Variants in CYP2E1 observed in about 807,000 individuals in gnomAD.
CYP2E1 encodes the protein cytochrome P450 2E1.
A neutral mutation model predicts 42.9 loss-of-function variants in CYP2E1; 31 were observed. That is an observed-to-expected ratio of 0.72 (90% CI 0.54 to 0.98). The LOEUF (loss-of-function observed/expected upper bound fraction) is 0.98, where lower values mean the gene tolerates loss of function less well. Among genes scored for constraint, CYP2E1 ranks in the 50% least tolerant of loss-of-function variants. The probability of loss-of-function intolerance (pLI) is 0.00; values close to 1 mark genes in which losing one functional copy is unlikely to be tolerated. For missense variants in CYP2E1, 565 were observed against 633.2 expected, an observed-to-expected ratio of 0.89 and a Z score of 1.16; for synonymous variants, 244 against 248.9, an observed-to-expected ratio of 0.98 and a Z score of 0.19.
chr10:133,536,123 G>T (rs1257547052), intron 6 of CYP2E1, among the ~76,000 whole-genome samples: 1 of 152,102 alleles, frequency 6.6e-6, no homozygotes. Flanking sequence ...CAAGCCTGGG[G>T]TAATTATCAA....
At position 133,533,002 on chromosome 10, in the gene CYP2E1, C is replaced by A. The variant is rs1283509268; in HGVS notation, c.825+134C>A. 3 of 848,584 alleles carry A rather than the reference C, an allele frequency of 3.5e-6. No homozygotes were observed. In the Admixed American group the frequency reaches 9.9e-5, roughly 28 times the overall value. The allele number at this position is 848,584 out of a possible 1,614,324, so 52.6% of individuals were successfully genotyped here. A position where few individuals can be genotyped will look rare whatever the true frequency, so the allele number is the denominator to read the frequency against. ...GCATGCTCTGAGTTTCATACACACA[C>A]TCTTGGCTTCAGCATGACCACTGGA... On this transcript the variant is annotated intron_variant, in intron 5 of 8. Transcript: ENST00000252945.
intron 6 of CYP2E1, 73 bp downstream of exon 6, chr10:133,533,970 G>T (rs1851370176): frequency 1.3e-6 from 2 of 1,529,570 alleles, no homozygotes; most frequent in South Asian, 2.3e-5. Context: ...CACATTTTAG[G>T]CTGCAGCTTT....
At chr10:133,537,316 G>T (rs1256780402) in intron 7 of CYP2E1, 66 bp downstream of exon 7, 2 of 1,546,926 alleles carry the variant, frequency 1.3e-6, no homozygotes, top group African/African-American at 2.7e-5. Flanking sequence ...CTTCCTGCCA[G>T]GGAGCAGGAT....
In CYP2E1 at chr10:133,533,785, A is replaced by C. The variant is rs780017354; in HGVS notation, c.855A>C (p.Thr285=). The change falls in exon 6 of 9, where the codon ACA becomes ACC. Residue 285 remains threonine (T), a synonymous_variant. Transcript: ENST00000252945. The part of the protein sequence containing the change: ...KEKHSAERLY[T]MDGITVTVAD... ...AGCACAGTGCAGAGCGCTTGTACAC[A>C]ATGGACGGTATCACCGTGACTGTGG... is the stretch of plus-strand genomic sequence containing the variant. The C allele has an allele frequency of 6.2e-7, 1 of 1,614,172 alleles. No individual in the cohort carries two copies.
At chr10:133,535,671 A>G (rs1232090535) in intron 6 of CYP2E1, among the ~76,000 whole-genome samples, 1 of 152,202 alleles carries the variant, frequency 6.6e-6, no homozygotes, top group Non-Finnish European at 1.5e-5. Context: ...TATGATTGAC[A>G]TGTATATATC....
chr10:133,528,824 C>T (rs1851304088), intron 2 of CYP2E1, among the ~76,000 whole-genome samples, 184 bp downstream of exon 2: 1 of 152,384 alleles, frequency 6.6e-6, no homozygotes, highest in Middle Eastern at 3.4e-3. Context: ...GCGAGGCGCA[C>T]TGAGTCGCCC....
chr10:133,532,495 C>T (rs1851351216), intron 4 of CYP2E1, among the ~76,000 whole-genome samples, 197 bp from the exon 5 acceptor site: 1 of 152,072 alleles, frequency 6.6e-6, no homozygotes, highest in South Asian at 2.1e-4. Flanking sequence ...GTGTATCGAC[C>T]TGTGTGTGCA....
intron 6 of CYP2E1, 34 bp from the exon 7 acceptor site, chr10:133,537,029 A>G: frequency 6.9e-7 from 1 of 1,450,754 alleles, no homozygotes; most frequent in Non-Finnish European, 9.5e-7. Context: ...CCAGGAACCA[A>G]TCCCTGAAAT....
chr10:133,532,709 C>A lies in CYP2E1; in HGVS notation c.666C>A (p.Pro222=), dbSNP rs374547066. The A allele has an allele frequency of 1.3e-6, 2 of 1,589,938 alleles. No homozygotes were observed. Among genetic ancestry groups the A allele is most frequent in the African/African-American group, 2.7e-5 (2 of 73,176 alleles). Residue 222 remains proline (P), a synonymous_variant, in exon 5 of 9, where the codon CCC becomes CCA. Transcript: ENST00000252945. ...CTCTCTAGCTTTACAATAATTTTCCCAGCTTTCTACACTACTTGCCTGGAA... is the reference window on the plus strand; with the variant it reads ...CTCTCTAGCTTTACAATAATTTTCCAAGCTTTCTACACTACTTGCCTGGAA... ...TPWLQLYNNF[P]SFLHYLPGSH...
At chr10:133,536,579 G>A (rs377411423) in intron 6 of CYP2E1, among the ~76,000 whole-genome samples, 1 of 102,570 alleles carries the variant, frequency 9.7e-6, no homozygotes. Flanking sequence ...GTGGGTAGGT[G>A]GATGGAGGGA....
chr10:133,532,552 A>G (rs1244071284), intron 4 of CYP2E1, 140 bp from the exon 5 acceptor site: 1 of 829,600 alleles, frequency 1.2e-6, no homozygotes, highest in Non-Finnish European at 1.9e-6. Flanking sequence ...GGTGCCCAAG[A>G]AGGACACTGT....
At position 133,531,730 on chromosome 10, in the gene CYP2E1, C is replaced by G; in HGVS notation, c.483C>G (p.Thr161=). ...TCCTGCTGGAAGCACTCAGGAAGAC[C>G]CAAGGTGCGTATCTGCTGCCTAGCA... is the stretch of plus-strand genomic sequence containing the variant. ...AHFLLEALRK[T]QGQPFDPTFL... is the part of the protein sequence containing the mutation. Residue 161 remains threonine (T), a synonymous_variant, in exon 3 of 9, where the codon ACC becomes ACG. Coordinates refer to ENST00000252945, the MANE Select transcript of CYP2E1 (RefSeq NM_000773.4). The G allele has an allele frequency of 6.3e-7, 1 of 1,592,818 alleles. No individual in the cohort carries two copies. The highest frequency in any genetic ancestry group is 8.5e-7 in the Non-Finnish European group (1 of 1,170,210).
intron 5 of CYP2E1, among the ~76,000 whole-genome samples, chr10:133,533,490 A>G (rs1463588645): frequency 3.3e-5 from 5 of 152,202 alleles, no homozygotes; most frequent in African/African-American, 9.7e-5. Flanking sequence ...GACCAAGGTC[A>G]GGGGGATCTC....
At chr10:133,528,674 G>A (rs775641901) in intron 2 of CYP2E1, 34 bp downstream of exon 2, 57 of 1,610,058 alleles carry the variant, frequency 3.5e-5, no homozygotes, top group Non-Finnish European at 4.8e-5. Context: ...AGCGGGGGGT[G>A]CATAACACGC....
chr10:133,538,071 A>G (rs991319613), intron 8 of CYP2E1, among the ~76,000 whole-genome samples, 179 bp downstream of exon 8: 1 of 149,030 alleles, frequency 6.7e-6, no homozygotes, highest in Admixed American at 6.8e-5. Flanking sequence ...GAAGTTACAT[A>G]ACATCTTTTA....
At chr10:133,531,432 G>T in intron 2 of CYP2E1, 153 bp from the exon 3 acceptor site, 2 of 915,242 alleles carry the variant, frequency 2.2e-6, no homozygotes, top group Non-Finnish European at 3.5e-6. Flanking sequence ...CAGCTCCCAG[G>T]CTGGGACACC....
At chr10:133,534,885 G>A (rs1485257375) in intron 6 of CYP2E1, among the ~76,000 whole-genome samples, 41 of 149,478 alleles carry the variant, frequency 2.7e-4, no homozygotes, top group Non-Finnish European at 4.9e-4. Flanking sequence ...TTTTTGAGGG[G>A]ACAGGGTCTC....
intron 6 of CYP2E1, among the ~76,000 whole-genome samples, chr10:133,536,146 C>T (rs1231633359): frequency 6.6e-6 from 1 of 152,086 alleles, no homozygotes; most frequent in Non-Finnish European, 1.5e-5. Context: ...CAAAGGTTAC[C>T]CTCCCAGAAG....
At chr10:133,537,577 A>G in intron 7 of CYP2E1, 174 bp from the exon 8 acceptor site, 2 of 625,494 alleles carry the variant, frequency 3.2e-6, no homozygotes, top group South Asian at 2.1e-5. Context: ...ATCTTCATTT[A>G]GACCTGACCC....
Sources: allele counts gnomAD v4.1 joint callset (sites outside exome capture counted in the v4.1 genomes callset), GRCh38; gene constraint gnomAD v4.1.1; transcripts MANE v1.5; gene names NCBI Gene and HGNC (gene_info 2026-07-23, HGNC 2026-07-21).